Variants in AKAP13 observed in about 807,000 individuals in gnomAD.
The protein encoded by AKAP13 is A-kinase anchoring protein 13.
A neutral mutation model predicts 264.5 loss-of-function variants in AKAP13; 80 were observed. The ratio of observed to expected loss-of-function variants is 0.30; its 90% CI spans 0.25 to 0.36. The LOEUF (loss-of-function observed/expected upper bound fraction) is 0.36, where lower values mean the gene tolerates loss of function less well. AKAP13 is among the 10% of genes least tolerant of loss of function. AKAP13 has a pLI of 1.00. For missense variants in AKAP13, 3,712 were observed against 3,435.2 expected (o/e 1.08, Z -2.01); for synonymous variants, 1,380 against 1,250.2 (o/e 1.10, Z -2.19).
Position 85,580,728 on chromosome 15 carries a change from A to AG in AKAP13, c.2664dup (p.Asn889GlufsTer3). 3 of 1,614,166 alleles carry AG rather than the reference A, an allele frequency of 1.9e-6. No homozygotes were observed. The highest frequency in any genetic ancestry group is 2.5e-6 in the Non-Finnish European group (3 of 1,180,020). ...GCAATCCCAGAAGCTCTGAATATCA[A>AG]GGGGAACACTGACTCTTCCCTGCAA... On this transcript the variant is annotated frameshift_variant, in exon 7 of 37. Transcript: ENST00000394518. LOFTEE classifies it high-confidence loss of function.
At chr15:85,652,075 A>G (rs1291305720) in intron 10 of AKAP13, among the ~76,000 whole-genome samples, 1 of 152,234 alleles carries the variant, frequency 6.6e-6, no homozygotes, top group Non-Finnish European at 1.5e-5. Context: ...TTCTTACCAG[A>G]TATGCAAGAC....
Position 85,722,292 on chromosome 15 carries a change from T to G in AKAP13, c.6441T>G (p.Thr2147=). 1 of 1,613,794 alleles carries G rather than the reference T, an allele frequency of 6.2e-7. No individual in the cohort carries two copies. The change falls in exon 25 of 37, where the codon ACT becomes ACG. Residue 2147 remains threonine, a synonymous_variant. Transcript: ENST00000394518. ...LGIPECILLV[T]QRITKYPVLF... Reference sequence around the variant, plus strand: ...TTCCAGAGTGCATATTGCTTGTAACTCAGCGGATTACCAAGTACCCAGTTT... The same window carrying G: ...TTCCAGAGTGCATATTGCTTGTAACGCAGCGGATTACCAAGTACCCAGTTT...
intron 5 of AKAP13, among the ~76,000 whole-genome samples, chr15:85,550,860 A>G (rs2077938581): frequency 6.6e-6 from 1 of 152,180 alleles, no homozygotes. Flanking sequence ...AAGGTTGTAG[A>G]ACTGAGTGGA....
At chr15:85,660,093 C>G (rs2083269124) in intron 12 of AKAP13, among the ~76,000 whole-genome samples, 1 of 152,126 alleles carries the variant, frequency 6.6e-6, no homozygotes, top group Non-Finnish European at 1.5e-5. Flanking sequence ...TGGCTCACGC[C>G]TGTAATCCCA....
At chr15:85,621,051 TGTGGAGGTGAGGGTCATTTTAAGCAAA>T (rs2081164912) in intron 8 of AKAP13, among the ~76,000 whole-genome samples, 1 of 152,162 alleles carries the variant, frequency 6.6e-6, no homozygotes, top group Non-Finnish European at 1.5e-5. Flanking sequence ...TGAGGGTGTA[TGTGGAGGTGAGGGTCATTTTAAGCAAA>T]GTGGAAATAT....
chr15:85,503,773 C>G (rs951665026), intron 2 of AKAP13, among the ~76,000 whole-genome samples: 4 of 152,192 alleles, frequency 2.6e-5, no homozygotes, highest in African/African-American at 4.8e-5. Context: ...CTCTCTCGCT[C>G]TAATCATCAG....
chr15:85,549,085 G>A (rs1213676989), intron 5 of AKAP13, among the ~76,000 whole-genome samples: 2 of 151,692 alleles, frequency 1.3e-5, no homozygotes, highest in East Asian at 1.9e-4. Flanking sequence ...CATACTTCAG[G>A]GAAATTTTAC....
chr15:85,634,192 G>A (rs1443699248), intron 8 of AKAP13, among the ~76,000 whole-genome samples: 1 of 145,958 alleles, frequency 6.9e-6, no homozygotes, highest in Non-Finnish European at 1.5e-5. Context: ...TTATTTGCAA[G>A]CAGTTTAATT....
chr15:85,403,817 C>T (rs1374279901), intron 1 of AKAP13, among the ~76,000 whole-genome samples: 1 of 148,408 alleles, frequency 6.7e-6, no homozygotes, highest in Admixed American at 6.7e-5. Context: ...CATCGCATGC[C>T]ATCCTGGGCA....
intron 23 of AKAP13, among the ~76,000 whole-genome samples, chr15:85,720,131 G>A (rs1160520045): frequency 1.3e-5 from 2 of 152,010 alleles, no homozygotes; most frequent in East Asian, 3.9e-4. Flanking sequence ...CCACTCAGGA[G>A]CCCGAGGTGG....
chr15:85,442,656 C>T (rs1057097310), intron 1 of AKAP13, among the ~76,000 whole-genome samples: 2 of 150,120 alleles, frequency 1.3e-5, no homozygotes, highest in South Asian at 4.2e-4. Flanking sequence ...ATTACAGAAA[C>T]GTTTGGAAAT....
intron 13 of AKAP13, 31 bp downstream of exon 13, chr15:85,664,786 AAT>A (rs763313338): frequency 6.3e-7 from 1 of 1,587,472 alleles, no homozygotes; most frequent in South Asian, 1.1e-5. Flanking sequence ...ATTTGGAAAA[AAT>A]ATATTTCACA....
intron 1 of AKAP13, among the ~76,000 whole-genome samples, chr15:85,474,573 A>G (rs1028183543): frequency 6.6e-6 from 1 of 152,238 alleles, no homozygotes; most frequent in Non-Finnish European, 1.5e-5. Context: ...CATTGAAGCG[A>G]TTAACATTAA....
At chr15:85,503,479 TG>T (rs1350971397) in intron 2 of AKAP13, among the ~76,000 whole-genome samples, 1 of 152,224 alleles carries the variant, frequency 6.6e-6, no homozygotes, top group African/African-American at 2.4e-5. Context: ...TTCCCAACTT[TG>T]AATGTCTCTT....
At chr15:85,381,550 C>T (rs1236898798) in intron 1 of AKAP13, 2 of 101,672 alleles carry the variant, frequency 2.0e-5, no homozygotes, top group Non-Finnish European at 4.0e-5. Context: ...TTTGCAAAGC[C>T]ACGAAGTATG....
At chr15:85,628,164 T>A (rs182594009) in intron 8 of AKAP13, among the ~76,000 whole-genome samples, 6 of 152,348 alleles carry the variant, frequency 3.9e-5, no homozygotes, top group Admixed American at 1.3e-4. Context: ...TATATATCTA[T>A]CATCTTGGGA....
chr15:85,605,517 G>A (rs1309711639), intron 8 of AKAP13, among the ~76,000 whole-genome samples: 1 of 152,164 alleles, frequency 6.6e-6, no homozygotes, highest in East Asian at 1.9e-4. Flanking sequence ...AATAGCTGAT[G>A]CATTGCTGGG....
chr15:85,691,931 C>G (rs1272656389), intron 16 of AKAP13: 4 of 464,788 alleles, frequency 8.6e-6, no homozygotes, highest in African/African-American at 2.0e-5. Context: ...TCCTGCCTTC[C>G]TGCACCCCTA....
rs75894975 is a variant in AKAP13, at chr15:85,397,838, T to A, written c.-12+17040T>A. On this transcript the variant is annotated intron_variant, in intron 1 of 36. Transcript: ENST00000394518. ...TGCCCTTAAAGCACTCATGATTTTGTTTCTTGATTGATAGGCAGTAACAAT... is the reference window on the plus strand; with the variant it reads ...TGCCCTTAAAGCACTCATGATTTTGATTCTTGATTGATAGGCAGTAACAAT... 6.6e-3 allele frequency among the ~76,000 whole-genome samples: 1,009 copies of A among 152,324 alleles called. 17 individuals carry two copies. The highest frequency in any genetic ancestry group is 0.023 in the African/African-American group (942 of 41,574).
Sources: gnomAD v4.1 joint callset for allele counts (sites outside exome capture counted in the v4.1 genomes callset) on GRCh38, gnomAD v4.1.1 for gene constraint, MANE v1.5 for transcripts, NCBI Gene and HGNC (gene_info 2026-07-23, HGNC 2026-07-21) for gene names.